Variants in ZSWIM5 observed in about 807,000 individuals in gnomAD.
ZSWIM5 encodes the protein zinc finger SWIM domain-containing protein 5.
A neutral mutation model predicts 119.6 loss-of-function variants in ZSWIM5; 55 were observed. The ratio of observed to expected loss-of-function variants is 0.46; its 90% CI spans 0.37 to 0.58. The LOEUF (loss-of-function observed/expected upper bound fraction) is 0.58, where lower values mean the gene tolerates loss of function less well. Among genes scored for constraint, ZSWIM5 ranks in the 20% least tolerant of loss-of-function variants. The pLI, the probability that ZSWIM5 is intolerant of heterozygous loss-of-function variation, is 0.00. For missense variants in ZSWIM5, 1,193 were observed against 1,512.8 expected (o/e 0.79, Z 3.51); for synonymous variants, 537 against 606.9 (o/e 0.88, Z 1.69).
chr1:45,020,042 G>A, intron 13 of ZSWIM5, 24 bp downstream of exon 13: 2 of 1,607,350 alleles, frequency 1.2e-6, no homozygotes, highest in South Asian at 2.2e-5. Context: ...TTCCCCTGGG[G>A]GTAGAGGGAG....
intron 6 of ZSWIM5, among the ~76,000 whole-genome samples, chr1:45,042,141 T>C (rs1243592101): frequency 2.0e-5 from 3 of 152,176 alleles, no homozygotes; most frequent in African/African-American, 7.2e-5. Context: ...AATTCCTACA[T>C]GTAGAATTCC....
intron 1 of ZSWIM5, among the ~76,000 whole-genome samples, chr1:45,089,700 G>A (rs902146294): frequency 2.0e-5 from 3 of 152,068 alleles, no homozygotes; most frequent in South Asian, 2.1e-4. Flanking sequence ...TGCTTAGTGC[G>A]GTGGCTCACA....
chr1:45,055,650 C>A (rs1442090137), intron 4 of ZSWIM5, among the ~76,000 whole-genome samples: 1 of 152,132 alleles, frequency 6.6e-6, no homozygotes, highest in Non-Finnish European at 1.5e-5. Context: ...TATTTAAAGC[C>A]ATGGGACTGA....
intron 2 of ZSWIM5, among the ~76,000 whole-genome samples, chr1:45,077,252 C>T (rs1405270741): frequency 1.3e-5 from 2 of 152,176 alleles, no homozygotes; most frequent in East Asian, 1.9e-4. Flanking sequence ...GGGAACCTGC[C>T]CCAATAATCA....
chr1:45,079,776 G>A (rs1645278425), intron 2 of ZSWIM5, among the ~76,000 whole-genome samples: 1 of 152,218 alleles, frequency 6.6e-6, no homozygotes, highest in South Asian at 2.1e-4. Flanking sequence ...GGTTCTCAAT[G>A]TAGTACATGA....
At chr1:45,022,021 CAA>C (rs111486389) in intron 11 of ZSWIM5, among the ~76,000 whole-genome samples, 18 of 138,856 alleles carry the variant, frequency 1.3e-4, no homozygotes, top group East Asian at 2.1e-4. Flanking sequence ...GACTCCGTCT[CAA>C]AAAAAAAAAA....
At chr1:45,182,989 T>A (rs1239627378) in intron 1 of ZSWIM5, among the ~76,000 whole-genome samples, 2 of 149,612 alleles carry the variant, frequency 1.3e-5, no homozygotes, top group Middle Eastern at 3.4e-3. Context: ...ATTGACCACA[T>A]AGTTGGAAGT....
At chr1:45,182,281 G>C (rs1015894669) in intron 1 of ZSWIM5, among the ~76,000 whole-genome samples, 10 of 151,988 alleles carry the variant, frequency 6.6e-5, no homozygotes, top group Admixed American at 3.3e-4. Flanking sequence ...GCTGGCGCCT[G>C]TAGTCCCAGC....
At chr1:45,026,791 TA>T (rs1644923226) in intron 11 of ZSWIM5, among the ~76,000 whole-genome samples, 2 of 152,224 alleles carry the variant, frequency 1.3e-5, no homozygotes. Context: ...AGAGAATCAG[TA>T]CCATTTATTC....
intron 5 of ZSWIM5, among the ~76,000 whole-genome samples, chr1:45,045,926 T>C (rs1007148203): frequency 6.6e-6 from 1 of 152,016 alleles, no homozygotes; most frequent in Non-Finnish European, 1.5e-5. Flanking sequence ...CAGGGGGTTA[T>C]TGTTTTATTC....
intron 1 of ZSWIM5, among the ~76,000 whole-genome samples, chr1:45,152,206 G>A (rs1645800893): frequency 6.6e-6 from 1 of 152,080 alleles, no homozygotes; most frequent in Non-Finnish European, 1.5e-5. Context: ...GCAGGGCAGT[G>A]ATATAATCAT....
chr1:45,179,299 T>C (rs1163335536), intron 1 of ZSWIM5, among the ~76,000 whole-genome samples: 1 of 152,032 alleles, frequency 6.6e-6, no homozygotes, highest in Non-Finnish European at 1.5e-5. Flanking sequence ...CACAAAAACA[T>C]GGATGCACCT....
At chr1:45,053,377 T>C (rs1336544187) in intron 4 of ZSWIM5, among the ~76,000 whole-genome samples, 2 of 151,952 alleles carry the variant, frequency 1.3e-5, no homozygotes, top group Non-Finnish European at 2.9e-5. Flanking sequence ...GGAAAACAGA[T>C]TAGGTGAGAT....
intron 1 of ZSWIM5, among the ~76,000 whole-genome samples, chr1:45,185,092 G>A (rs1369020501): frequency 2.0e-5 from 3 of 152,120 alleles, no homozygotes; most frequent in East Asian, 3.9e-4. Flanking sequence ...CAGAAATAAC[G>A]CCGCATATCT....
At chr1:45,048,104 G>C (rs1645068140) in intron 5 of ZSWIM5, among the ~76,000 whole-genome samples, 1 of 82,938 alleles carries the variant, frequency 1.2e-5, no homozygotes, top group Non-Finnish European at 2.3e-5. Flanking sequence ...TTTTTTTTGA[G>C]ACAGGGTCTC....
At chr1:45,186,148 A>G (rs1369453292) in intron 1 of ZSWIM5, among the ~76,000 whole-genome samples, 1 of 150,846 alleles carries the variant, frequency 6.6e-6, no homozygotes, top group Non-Finnish European at 1.5e-5. Context: ...AACTATCACA[A>G]GGACAAAAAA....
intron 1 of ZSWIM5, among the ~76,000 whole-genome samples, chr1:45,145,824 T>G (rs921778698): frequency 6.6e-6 from 1 of 152,156 alleles, no homozygotes; most frequent in African/African-American, 2.4e-5. Context: ...AAATACTATC[T>G]ATTTTTAGAT....
At chr1:45,080,848 G>A (rs1335430416) in intron 2 of ZSWIM5, among the ~76,000 whole-genome samples, 1 of 152,132 alleles carries the variant, frequency 6.6e-6, no homozygotes, top group Non-Finnish European at 1.5e-5. Flanking sequence ...GAGTAGTGCT[G>A]GAGGCAGAGC....
At chr1:45,185,873 C>G (rs1646054953) in intron 1 of ZSWIM5, among the ~76,000 whole-genome samples, 1 of 152,186 alleles carries the variant, frequency 6.6e-6, no homozygotes, top group African/African-American at 2.4e-5. Flanking sequence ...ACTATCAATA[C>G]CATTTGACCC....
Sources: gnomAD v4.1 joint callset for allele counts (sites outside exome capture counted in the v4.1 genomes callset) on GRCh38, gnomAD v4.1.1 for gene constraint, MANE v1.5 for transcripts, NCBI Gene and HGNC (gene_info 2026-07-23, HGNC 2026-07-21) for gene names.